Variants in MPDZ observed in about 807,000 individuals in gnomAD.
The protein encoded by MPDZ is multiple PDZ domain crumbs cell polarity complex component, also known as multiple PDZ domain protein.
Under a neutral mutation model 239.1 loss-of-function variants are expected in MPDZ, and 234 were observed. The ratio of observed to expected loss-of-function variants is 0.98; its 90% CI spans 0.88 to 1.09. The LOEUF (loss-of-function observed/expected upper bound fraction) is 1.09, where lower values mean the gene tolerates loss of function less well. MPDZ is among the 50% of genes least tolerant of loss of function. The pLI, the probability that MPDZ is intolerant of heterozygous loss-of-function variation, is 0.00. For synonymous variants in MPDZ, 1,048 were observed against 881.3 expected, an observed-to-expected ratio of 1.19 and a Z score of -3.35; for missense variants, 3,175 against 2,510.0, an observed-to-expected ratio of 1.26 and a Z score of -5.66.
rs1264034997 is a variant in MPDZ, at chr9:13,140,137, A to C, written c.3853T>G (p.Ser1285Ala). 1 of 1,613,190 alleles carries C rather than the reference A, an allele frequency of 6.2e-7. No homozygotes were observed. Among genetic ancestry groups the C allele is most frequent in the East Asian group, 2.2e-5 (1 of 44,708 alleles). Residue 1285 changes from serine to alanine, a missense_variant, in exon 28 of 47, where the codon TCA (serine) becomes GCA (alanine). Coordinates refer to ENST00000319217, the MANE Select transcript of MPDZ (RefSeq NM_001378778.1). ...GGAGCCTTCTCTGGCTCTGACTCTGACTGACTGGGTGCCTGTGGGAACAAA... is the reference window on the plus strand; with the variant it reads ...GGAGCCTTCTCTGGCTCTGACTCTGCCTGACTGGGTGCCTGTGGGAACAAA... ...QINADKAPSQ[S>A]ESEPEKAPLC...
intron 31 of MPDZ, chr9:13,135,867 C>T (rs560526303): frequency 2.8e-6 from 1 of 360,338 alleles, no homozygotes. Context: ...TAACTCTTTT[C>T]CTACCCTCAC....
At chr9:13,215,953 T>G (rs1238283503) in intron 10 of MPDZ, among the ~76,000 whole-genome samples, 2 of 146,200 alleles carry the variant, frequency 1.4e-5, no homozygotes, top group East Asian at 2.0e-4. Flanking sequence ...TTGTTTTTTT[T>G]TTTTTTTTTT....
At chr9:13,190,047 A>G (rs1954682096) in intron 16 of MPDZ, 67 bp downstream of exon 16, 1 of 1,403,220 alleles carries the variant, frequency 7.1e-7, no homozygotes, top group African/African-American at 1.4e-5. Flanking sequence ...ATAAACTATC[A>G]TCATCTGCTT....
chr9:13,277,162 G>A (rs1214494055), intron 1 of MPDZ, among the ~76,000 whole-genome samples: 4 of 152,108 alleles, frequency 2.6e-5, no homozygotes, highest in Non-Finnish European at 5.9e-5. Context: ...TAGGTGATAG[G>A]ACTTTGAAGC....
At chr9:13,223,263 T>G (rs1433262831) in intron 5 of MPDZ, among the ~76,000 whole-genome samples, 1 of 151,928 alleles carries the variant, frequency 6.6e-6, no homozygotes, top group East Asian at 1.9e-4. Context: ...TTATGGGTCA[T>G]TTCTAGCATG....
At chr9:13,156,616 C>A (rs908042473) in intron 24 of MPDZ, among the ~76,000 whole-genome samples, 40 of 152,180 alleles carry the variant, frequency 2.6e-4, no homozygotes, top group African/African-American at 9.4e-4. Context: ...CCTTCCACAA[C>A]ATGTGGGAAT....
rs375945342 is a variant in MPDZ, at chr9:13,147,557, G to T, written c.3732C>A (p.Asn1244Lys). Residue 1244 changes from asparagine (N) to lysine (K), a missense_variant, in exon 26 of 47, where the codon AAC (asparagine) becomes AAA (lysine). Asn to Lys is a moderately conservative substitution (Grantham distance 94, BLOSUM62 0). Transcript: ENST00000319217. ...PVVFMVQSII[N>K]RPRKSPLPSL... ...CTTTGTGTTCGCTTACCCTTGGTCTGTTTATAATGCTCTGTACCATAAAGA... is the reference window on the plus strand; with the variant it reads ...CTTTGTGTTCGCTTACCCTTGGTCTTTTTATAATGCTCTGTACCATAAAGA... 5 of 1,611,312 alleles carry T rather than the reference G, an allele frequency of 3.1e-6. No individual in the cohort carries two copies. Among genetic ancestry groups the T allele is most frequent in the Middle Eastern group, 1.6e-4 (1 of 6,066 alleles).
At chr9:13,189,051 G>T in intron 16 of MPDZ, 58 bp from the exon 17 acceptor site, 1 of 1,473,450 alleles carries the variant, frequency 6.8e-7, no homozygotes, top group Non-Finnish European at 9.3e-7. Context: ...TCTTCTACAG[G>T]TCGTCCACTC....
intron 19 of MPDZ, among the ~76,000 whole-genome samples, chr9:13,181,354 T>A (rs1355327113): frequency 6.6e-6 from 1 of 152,166 alleles, no homozygotes; most frequent in East Asian, 1.9e-4. Context: ...AATATAAATT[T>A]GTTGCAAAGA....
rs1446353966 is a variant in MPDZ at position 13,105,776 on chromosome 9, A to G, written c.*1189T>C. ...ATTTACACAAAAATGCTGTAATAAA[A>G]TATCTGTACACTACTTCTGTTACAA... On this transcript the variant is annotated 3_prime_UTR_variant, in exon 47 of 47. Coordinates refer to ENST00000319217, the MANE Select transcript of MPDZ (RefSeq NM_001378778.1). 1 of 152,218 alleles carries G rather than the reference A, an allele frequency of 6.6e-6. No homozygotes were observed. The highest frequency in any genetic ancestry group is 1.5e-5 in the Non-Finnish European group (1 of 68,026). The allele number at this position is 152,218 out of a possible 1,614,324, so 9.4% of individuals were successfully genotyped here. A position where few individuals can be genotyped will look rare whatever the true frequency, so the allele number is the denominator to read the frequency against.
intron 24 of MPDZ, among the ~76,000 whole-genome samples, chr9:13,151,004 C>A (rs185431286): frequency 1.9e-3 from 285 of 152,000 alleles, no homozygotes; most frequent in Non-Finnish European, 3.2e-3. Context: ...AAAACATGGG[C>A]AAGTGTCTTG....
intron 1 of MPDZ, among the ~76,000 whole-genome samples, chr9:13,270,129 A>C (rs1337309227): frequency 6.6e-6 from 1 of 152,188 alleles, no homozygotes; most frequent in Non-Finnish European, 1.5e-5. Context: ...CTACTATTTA[A>C]ATGCCTCCAT....
intron 15 of MPDZ, among the ~76,000 whole-genome samples, chr9:13,190,543 A>G (rs1247889555): frequency 6.6e-6 from 1 of 152,200 alleles, no homozygotes; most frequent in Non-Finnish European, 1.5e-5. Flanking sequence ...CTATGAAAAT[A>G]TGCAATGGTT....
chr9:13,204,964 T>C (rs1956828411), intron 12 of MPDZ, 72 bp downstream of exon 12: 1 of 1,050,514 alleles, frequency 9.5e-7, no homozygotes, highest in Non-Finnish European at 1.3e-6. Context: ...AGAGGCTTAA[T>C]CACATTTGTA....
At chr9:13,130,950 C>T (rs1207148565) in intron 32 of MPDZ, among the ~76,000 whole-genome samples, 1 of 152,066 alleles carries the variant, frequency 6.6e-6, no homozygotes, top group Non-Finnish European at 1.5e-5. Flanking sequence ...GAGTTCAATT[C>T]CAGCTCTACT....
At position 13,121,905 on chromosome 9, in the gene MPDZ, T is replaced by A; in HGVS notation, c.5065A>T (p.Thr1689Ser). Residue 1689 changes from threonine (T) to serine (S), a missense_variant, in exon 38 of 47, where the codon ACA becomes TCA. Coordinates refer to ENST00000319217, the MANE Select transcript of MPDZ (RefSeq NM_001378778.1). Reference sequence around the variant, plus strand: ...AGGACATTGATTGCTTCATCATGTGTGGCCTTTCTCAAGTCAATTCCATTC... The same window carrying A: ...AGGACATTGATTGCTTCATCATGTGAGGCCTTTCTCAAGTCAATTCCATTC... ...EVNGIDLRKA[T>S]HDEAINVLRQ... 6.2e-7 allele frequency: 1 copy of A among 1,613,708 alleles called. No homozygotes were observed. Among genetic ancestry groups the A allele is most frequent in the Non-Finnish European group, 8.5e-7 (1 of 1,179,762 alleles).
chr9:13,276,724 C>G (rs1429629258), intron 1 of MPDZ: 1 of 152,176 alleles, frequency 6.6e-6, no homozygotes, highest in African/African-American at 2.4e-5. Context: ...ATTCAGAGTA[C>G]TTTGTACGTT....
At chr9:13,156,449 G>A (rs1949823601) in intron 24 of MPDZ, among the ~76,000 whole-genome samples, 1 of 152,186 alleles carries the variant, frequency 6.6e-6, no homozygotes, top group Non-Finnish European at 1.5e-5. Context: ...AGGCAAGGAG[G>A]AGCAAGTCAC....
chr9:13,168,344 C>T, intron 22 of MPDZ, 22 bp downstream of exon 22: 1 of 1,599,918 alleles, frequency 6.3e-7, no homozygotes, highest in Non-Finnish European at 8.5e-7. Flanking sequence ...CCAAGTTAAA[C>T]TGGGCTTCAA....
Sources: gnomAD v4.1 joint callset for allele counts (sites outside exome capture counted in the v4.1 genomes callset) on GRCh38, gnomAD v4.1.1 for gene constraint, MANE v1.5 for transcripts, NCBI Gene and HGNC (gene_info 2026-07-23, HGNC 2026-07-21) for gene names.